Variants in CLPB observed in about 807,000 individuals in gnomAD.
CLPB encodes ClpB family mitochondrial disaggregase.
Under a neutral mutation model 78.4 loss-of-function variants are expected in CLPB, and 40 were observed. That is an observed-to-expected ratio of 0.51 (90% CI 0.40 to 0.66). The LOEUF (loss-of-function observed/expected upper bound fraction) is 0.66. Among genes scored for constraint, CLPB ranks in the 30% least tolerant of loss-of-function variants. The probability of loss-of-function intolerance (pLI) is 0.00; values close to 1 mark genes in which losing one functional copy is unlikely to be tolerated. For synonymous variants in CLPB, 333 were observed against 348.0 expected (o/e 0.96, Z 0.48); for missense variants, 780 against 886.9 (o/e 0.88, Z 1.53).
chr11:72,310,357 T>C (rs1407714288), intron 7 of CLPB, among the ~76,000 whole-genome samples: 3 of 152,192 alleles, frequency 2.0e-5, no homozygotes, highest in Admixed American at 6.5e-5. Flanking sequence ...ACCTCTCTCC[T>C]GGGCAAGAAT....
intron 2 of CLPB, among the ~76,000 whole-genome samples, chr11:72,419,527 G>T (rs952079802): frequency 5.9e-5 from 9 of 152,282 alleles, no homozygotes; most frequent in African/African-American, 2.2e-4. Flanking sequence ...TAAAGACAAA[G>T]CTTCTTCATG....
At chr11:72,403,257 A>G (rs1855616652) in intron 2 of CLPB, among the ~76,000 whole-genome samples, 1 of 152,124 alleles carries the variant, frequency 6.6e-6, no homozygotes, top group African/African-American at 2.4e-5. Context: ...TACATTCCCA[A>G]TTTCAGCTCC....
At chr11:72,400,086 T>C (rs1177711967) in intron 3 of CLPB, among the ~76,000 whole-genome samples, 1 of 152,176 alleles carries the variant, frequency 6.6e-6, no homozygotes, top group East Asian at 1.9e-4. Flanking sequence ...ATTATACTCA[T>C]TGTTTATTGT....
chr11:72,349,359 T>A (rs1004925964), intron 5 of CLPB, among the ~76,000 whole-genome samples: 1 of 152,204 alleles, frequency 6.6e-6, no homozygotes, highest in African/African-American at 2.4e-5. Context: ...TTCTGCTACA[T>A]TTAAAAAATA....
intron 3 of CLPB, among the ~76,000 whole-genome samples, chr11:72,391,321 C>T (rs1855248935): frequency 6.6e-6 from 1 of 152,232 alleles, no homozygotes; most frequent in Non-Finnish European, 1.5e-5. Flanking sequence ...ACTGTGCCTT[C>T]TCTGATTCCC....
chr11:72,322,515 T>C (rs1950062120), intron 6 of CLPB, among the ~76,000 whole-genome samples: 1 of 152,190 alleles, frequency 6.6e-6, no homozygotes, highest in Admixed American at 6.5e-5. Flanking sequence ...ACATGAGCCA[T>C]GTGCCCAGCC....
At position 72,434,199 on chromosome 11, in the gene CLPB, A is replaced by T; in HGVS notation, c.276T>A (p.Pro92=). The change falls in exon 1 of 16, where the codon CCT becomes CCA. Residue 92 remains proline, a synonymous_variant. Coordinates refer to ENST00000538039, the MANE Select transcript of CLPB (RefSeq NM_001258392.3). The part of the protein sequence containing the change: ...CLAAATWGRL[P]GPEETLPGQD... ...GTCCTGGGAGTGTTTCTTCGGGACC[A>T]GGAAGGCGTCCCCAAGTGGCAGCCG... is the stretch of plus-strand genomic sequence containing the variant. The T allele has an allele frequency of 6.2e-7, 1 of 1,613,518 alleles. No individual in the cohort carries two copies. Among genetic ancestry groups the T allele is most frequent in the Non-Finnish European group, 8.5e-7 (1 of 1,179,986 alleles).
Position 72,293,309 on chromosome 11 carries a change from C to G in CLPB, c.*58G>C, listed in dbSNP as rs933673113. On this transcript the variant is annotated 3_prime_UTR_variant, in exon 16 of 16. Coordinates refer to ENST00000538039, the MANE Select transcript of CLPB (RefSeq NM_001258392.3). ...AGGGGAAGGTAAGTCAGTTGCCATG[C>G]CACAGCCAAGGGGCCTTTATTGGAT... 3.4e-5 allele frequency: 53 copies of G among 1,580,468 alleles called. 1 individual carries two copies. Among genetic ancestry groups the G allele is most frequent in the Non-Finnish European group, 4.4e-5 (51 of 1,159,690 alleles).
At chr11:72,305,337 G>A (rs1177521575) in intron 9 of CLPB, among the ~76,000 whole-genome samples, 1 of 152,234 alleles carries the variant, frequency 6.6e-6, no homozygotes, top group African/African-American at 2.4e-5. Context: ...CTTCCCCATA[G>A]GATCAAATGG....
At chr11:72,378,643 CAG>C (rs1490294132) in intron 4 of CLPB, among the ~76,000 whole-genome samples, 2 of 152,182 alleles carry the variant, frequency 1.3e-5, no homozygotes, top group African/African-American at 4.8e-5. Flanking sequence ...AAACTGAAGA[CAG>C]AGCTGAGCAC....
intron 7 of CLPB, among the ~76,000 whole-genome samples, chr11:72,315,357 C>A (rs1169657929): frequency 2.0e-5 from 3 of 152,198 alleles, no homozygotes; most frequent in Non-Finnish European, 4.4e-5. Flanking sequence ...ACAGGGCAGG[C>A]AGCCTCCCTT....
intron 2 of CLPB, among the ~76,000 whole-genome samples, chr11:72,417,037 G>A (rs1856046894): frequency 6.6e-6 from 1 of 152,152 alleles, no homozygotes; most frequent in Non-Finnish European, 1.5e-5. Context: ...TAAATGTACA[G>A]TTACTCTATG....
chr11:72,385,715 T>C (rs973385471), intron 3 of CLPB, among the ~76,000 whole-genome samples: 7 of 152,032 alleles, frequency 4.6e-5, no homozygotes, highest in Non-Finnish European at 7.4e-5. Context: ...CCCAGCTACT[T>C]GGGAGGCTGA....
intron 6 of CLPB, among the ~76,000 whole-genome samples, chr11:72,324,564 C>CA (rs987545129): frequency 2.7e-5 from 4 of 149,802 alleles, no homozygotes; most frequent in South Asian, 2.1e-4. Context: ...GACTTCATCT[C>CA]AAAAAAAAGA....
chr11:72,302,122 C>A, intron 10 of CLPB, 158 bp from the exon 11 acceptor site: 1 of 984,294 alleles, frequency 1.0e-6, no homozygotes, highest in East Asian at 2.5e-5. Flanking sequence ...TAGATCTTCT[C>A]TATGTTTATT....
intron 7 of CLPB, among the ~76,000 whole-genome samples, chr11:72,311,492 G>A (rs148696811): frequency 2.6e-3 from 402 of 152,280 alleles, no homozygotes; most frequent in Non-Finnish European, 4.8e-3. Flanking sequence ...CAGAAGTTAG[G>A]TGACCTGCTT....
intron 2 of CLPB, among the ~76,000 whole-genome samples, chr11:72,409,938 C>G (rs1855827031): frequency 6.6e-6 from 1 of 151,726 alleles, no homozygotes; most frequent in South Asian, 2.1e-4. Flanking sequence ...GATTGTGCCA[C>G]TGCACTCCGA....
chr11:72,354,659 A>T (rs182070596), intron 5 of CLPB: 3 of 285,384 alleles, frequency 1.1e-5, no homozygotes, highest in Non-Finnish European at 1.9e-5. Flanking sequence ...TCCTGCTGAT[A>T]AGCCATCAAC....
At chr11:72,395,124 C>T (rs1290103472) in intron 3 of CLPB, among the ~76,000 whole-genome samples, 2 of 152,190 alleles carry the variant, frequency 1.3e-5, no homozygotes, top group Non-Finnish European at 2.9e-5. Context: ...ATCATCTCCT[C>T]CACAGCACTC....
Sources: gnomAD v4.1 joint callset for allele counts (sites outside exome capture counted in the v4.1 genomes callset) on GRCh38, gnomAD v4.1.1 for gene constraint, MANE v1.5 for transcripts, NCBI Gene and HGNC (gene_info 2026-07-23, HGNC 2026-07-21) for gene names.